RIPOR2: variants seen among roughly 807,000 people sequenced by gnomAD.
RIPOR2 encodes RHO family interacting cell polarization regulator 2, also known as rho family-interacting cell polarization regulator 2.
RIPOR2 carries 39 observed loss-of-function variants against 114.5 expected under a neutral mutation model. That is an observed-to-expected ratio of 0.34 (90% confidence interval 0.26 to 0.44). The LOEUF is 0.44. RIPOR2 is among the 20% of genes least tolerant of loss of function. The probability of loss-of-function intolerance (pLI) is 1.00; values close to 1 mark genes in which losing one functional copy is unlikely to be tolerated. For missense variants in RIPOR2, 1,007 were observed against 1,255.1 expected, an observed-to-expected ratio of 0.80 and a Z score of 2.99; for synonymous variants, 445 against 484.4, an observed-to-expected ratio of 0.92 and a Z score of 1.07.
rs537491569 is a variant in RIPOR2 at position 24,828,777 on chromosome 6, A to G, written c.2507-482T>C. 3.9e-5 allele frequency among the ~76,000 whole-genome samples: 6 copies of G among 152,150 alleles called. No homozygotes were observed. The South Asian group carries it at 1.2e-3, about 32-fold the overall frequency. ...GAGGAAGAGACAAGTGAGAGAGGAA[A>G]AGAGAAGGAAGGAAGGAAAGAAGGA... On this transcript the variant is annotated intron_variant, in intron 17 of 21. Transcript: ENST00000643898.
intron 15 of RIPOR2, among the ~76,000 whole-genome samples, chr6:24,834,308 C>T (rs983680327): frequency 1.3e-5 from 2 of 152,132 alleles, no homozygotes; most frequent in Non-Finnish European, 2.9e-5. Flanking sequence ...TCCTACATCT[C>T]ATCACATGTC....
intron 13 of RIPOR2, among the ~76,000 whole-genome samples, chr6:24,842,104 A>C (rs1033987925): frequency 6.6e-6 from 1 of 152,230 alleles, no homozygotes; most frequent in Non-Finnish European, 1.5e-5. Flanking sequence ...GAATACAAGA[A>C]GTAGCAGTGA....
intron 7 of RIPOR2, among the ~76,000 whole-genome samples, chr6:24,864,852 T>G (rs1439163745): frequency 6.6e-6 from 1 of 152,238 alleles, no homozygotes; most frequent in African/African-American, 2.4e-5. Context: ...CCATAGGGTC[T>G]GCTCCACTTC....
rs1233927298 is a variant in RIPOR2, at chr6:25,012,019, T to G, written c.76+29832A>C. 2.0e-5 allele frequency among the ~76,000 whole-genome samples: 3 copies of G among 152,142 alleles called. No homozygotes were observed. The East Asian group carries it at 5.8e-4, about 29-fold the overall frequency. On this transcript the variant is annotated intron_variant, in intron 1 of 13. Coordinates refer to the RIPOR2 transcript ENST00000510784. ...CTTGTGTCCAGAACATATAGAGAAC[T>G]CTTAAAACTAACAATAAAAAGACAA... is the stretch of plus-strand genomic sequence containing the variant.
At chr6:24,935,967 C>T (rs1259993041), upstream of RIPOR2, 33 of 1,190,892 alleles carry the variant, frequency 2.8e-5, no homozygotes, top group Admixed American at 1.0e-4. Flanking sequence ...CACTGCCGAC[C>T]GAGGTGATTT....
rs1766469917 is a variant in RIPOR2 at position 24,882,730 on chromosome 6, A to G, written c.62-6913T>C. The stretch of plus-strand genomic sequence containing the variant: ...TCATATAAAGCATAATAATTTGAGC[A>G]TATTGCATGCAAAATTTTGTATCCT... On this transcript the variant is annotated intron_variant, in intron 1 of 21. Coordinates refer to ENST00000643898, the MANE Select transcript of RIPOR2 (RefSeq NM_001286445.3). Among the ~76,000 whole-genome samples the G allele has an allele frequency of 3.9e-5, 6 of 152,214 alleles. No individual in the cohort carries two copies. In the South Asian group the frequency reaches 1.2e-3, roughly 32 times the overall value.
intron 1 of RIPOR2, among the ~76,000 whole-genome samples, chr6:25,005,738 T>TATATATACATATACATAC (rs34572978): frequency 1.4e-5 from 1 of 70,700 alleles, no homozygotes; most frequent in Non-Finnish European, 3.3e-5. Flanking sequence ...TATATATATA[T>TATATATACATATACATAC]ATACATTTAC....
chr6:24,821,760 G>A (rs78847246), intron 19 of RIPOR2, among the ~76,000 whole-genome samples: 3,288 of 152,280 alleles, frequency 0.022, 120 homozygotes, highest in African/African-American at 0.073. Flanking sequence ...GGAACAAGGT[G>A]ACTGTCCCTG....
At chr6:25,032,173 G>T (rs559786725) in intron 1 of RIPOR2, among the ~76,000 whole-genome samples, 1 of 150,780 alleles carries the variant, frequency 6.6e-6, no homozygotes, top group South Asian at 2.1e-4. Context: ...ATCAGCAAGC[G>T]AATCCTTTAT....
At chr6:24,820,458 C>T (rs1429025084) in intron 19 of RIPOR2, among the ~76,000 whole-genome samples, 1 of 152,212 alleles carries the variant, frequency 6.6e-6, no homozygotes, top group Non-Finnish European at 1.5e-5. Flanking sequence ...TCATCCCCAT[C>T]ATCTGATTTC....
At chr6:24,976,964 T>C (rs1774086311) in intron 1 of RIPOR2, 3 of 1,545,392 alleles carry the variant, frequency 1.9e-6, no homozygotes, top group Admixed American at 1.7e-5. Flanking sequence ...CATTGCTGAC[T>C]GTGGACAACT....
chr6:24,915,824 A>G (rs191169820), intron 1 of RIPOR2, among the ~76,000 whole-genome samples: 26 of 152,316 alleles, frequency 1.7e-4, no homozygotes, highest in Middle Eastern at 3.4e-3. Context: ...GCACTTCAGG[A>G]AACACTGGTC....
At chr6:24,842,815 G>T in intron 13 of RIPOR2, 47 bp downstream of exon 13, 1 of 1,165,542 alleles carries the variant, frequency 8.6e-7, no homozygotes, top group Admixed American at 3.0e-5. Context: ...GTTGGCTTAG[G>T]ACACCTCTCT....
intron 1 of RIPOR2, among the ~76,000 whole-genome samples, chr6:24,946,377 C>A (rs1350149528): frequency 6.6e-6 from 1 of 152,060 alleles, no homozygotes; most frequent in Non-Finnish European, 1.5e-5. Context: ...ACCCTGCCAA[C>A]CGTCTCATTT....
intron 1 of RIPOR2, among the ~76,000 whole-genome samples, chr6:24,908,657 A>G (rs1363471120): frequency 1.3e-5 from 2 of 152,220 alleles, no homozygotes; most frequent in African/African-American, 2.4e-5. Flanking sequence ...GCAGGGCCCC[A>G]GGTCAATGGG....
chr6:24,846,300 C>CTTTTTTTTTTTTTTTTTTTTTTTT lies in RIPOR2; in HGVS notation c.1164+1724_1164+1725insAAAAAAAAAAAAAAAAAAAAAAAA, dbSNP rs1562253042. On this transcript the variant is annotated intron_variant, in intron 12 of 21. Transcript: ENST00000643898. ...AGTTTAGCCTGGTCCTTTTCACCTG[C>CTTTTTTTTTTTTTTTTTTTTTTTT]CTTTTTTTTTTTTTTTTTTTTTTTG... 3.6e-5 allele frequency among the ~76,000 whole-genome samples: 4 copies of CTTTTTTTTTTTTTTTTTTTTTTTT among 111,320 alleles called. 1 individual carries two copies. Among genetic ancestry groups the CTTTTTTTTTTTTTTTTTTTTTTTT allele is most frequent in the Non-Finnish European group, 3.8e-5 (2 of 52,978 alleles). The allele number at this position is 111,320 out of a possible 152,430, so 73.0% of individuals were successfully genotyped here. A position where few individuals can be genotyped will look rare whatever the true frequency, so the allele number is the denominator to read the frequency against.
At position 25,022,531 on chromosome 6, in the gene RIPOR2, C is replaced by CTTTTTTTTTTTTTTTTTTTT. The variant is rs1561848668; in HGVS notation, c.76+19319_76+19320insAAAAAAAAAAAAAAAAAAAA. ...CACATATAACTAATGTGGTACCTTCCATTTTTTTTTTTTTTTTTTTTTTTT... is the reference window on the plus strand; with the variant it reads ...CACATATAACTAATGTGGTACCTTCCTTTTTTTTTTTTTTTTTTTTATTTTTTTTTTTTTTTTTTTTTTTT... On this transcript the variant is annotated intron_variant, in intron 1 of 13. Transcript: ENST00000510784. Among the ~76,000 whole-genome samples, 114 of 64,494 alleles carry CTTTTTTTTTTTTTTTTTTTT rather than the reference C, an allele frequency of 1.8e-3. 11 individuals are homozygous for CTTTTTTTTTTTTTTTTTTTT. The highest frequency in any genetic ancestry group is 3.4e-3 in the Non-Finnish European group (99 of 28,994). 42.3% of individuals were successfully genotyped at this position (64,494 alleles called of 152,430 possible). A position where few individuals can be genotyped will look rare whatever the true frequency, so the allele number is the denominator to read the frequency against.
chr6:25,034,256 A>G (rs1250334176), intron 1 of RIPOR2, among the ~76,000 whole-genome samples: 1 of 151,344 alleles, frequency 6.6e-6, no homozygotes, highest in Non-Finnish European at 1.5e-5. Context: ...ATGAAAACAA[A>G]ATCAAGACAT....
chr6:24,944,701 C>T (rs1772320951), intron 1 of RIPOR2, among the ~76,000 whole-genome samples: 1 of 152,146 alleles, frequency 6.6e-6, no homozygotes, highest in Admixed American at 6.5e-5. Context: ...CTAAGAAGCT[C>T]AATGAATTTC....
Sources: gnomAD v4.1 joint callset for allele counts (sites outside exome capture counted in the v4.1 genomes callset) on GRCh38, gnomAD v4.1.1 for gene constraint, MANE v1.5 for transcripts, NCBI Gene and HGNC (gene_info 2026-07-23, HGNC 2026-07-21) for gene names.